The following MYO10 variants were observed in gnomAD, a reference collection of about 807,000 sequenced individuals.
MYO10 encodes unconventional myosin-X.
Under a neutral mutation model 257.3 loss-of-function variants are expected in MYO10, and 133 were observed. The ratio of observed to expected loss-of-function variants is 0.52; its 90% CI spans 0.45 to 0.60. MYO10 has a LOEUF of 0.60. Ranked by LOEUF, MYO10 falls within the 20% of genes least tolerant of loss-of-function variation. The pLI, the probability that MYO10 is intolerant of heterozygous loss-of-function variation, is 0.00. For synonymous variants in MYO10, 1,104 were observed against 1,028.6 expected (o/e 1.07, Z -1.40); for missense variants, 2,399 against 2,635.7 (o/e 0.91, Z 1.97).
chr5:16,902,212 ATTT>A, intron 1 of MYO10: 1 of 576,844 alleles, frequency 1.7e-6, no homozygotes, highest in South Asian at 2.0e-5. Flanking sequence ...GGCCCGGCTA[ATTT>A]TTTTTTTTTT....
At chr5:16,698,883 A>C (rs1215029816) in intron 26 of MYO10, among the ~76,000 whole-genome samples, 1 of 143,700 alleles carries the variant, frequency 7.0e-6, no homozygotes, top group African/African-American at 3.0e-5. Context: ...TCGGCCTCCC[A>C]AAGTGCTGGG....
chr5:16,701,256 C>T lies in MYO10; in HGVS notation c.3139G>A (p.Ala1047Thr), dbSNP rs1738047372. 1 of 1,613,498 alleles carries T rather than the reference C, an allele frequency of 6.2e-7. No individual in the cohort carries two copies. The highest frequency in any genetic ancestry group is 1.3e-5 in the African/African-American group (1 of 74,928). Reference protein sequence around the residue: ...NDTVVPTSPSADSTVLLAPSV... With the variant: ...NDTVVPTSPSTDSTVLLAPSV... Reference sequence around the variant, plus strand: ...GGGGCGAGCAGCACCGTGCTGTCCGCACTGGGGCTGGTGGGCACCACCGTG... The same window carrying T: ...GGGGCGAGCAGCACCGTGCTGTCCGTACTGGGGCTGGTGGGCACCACCGTG... The change falls in exon 25 of 41, where the codon GCG becomes ACG. Residue 1047 changes from alanine (A) to threonine (T), a missense_variant. Ala to Thr is a moderately conservative substitution (Grantham distance 58, BLOSUM62 0). This residue lies in a region of MYO10 where 1,820 missense variants were observed against 1,939.4 expected (regional missense o/e 0.94). Transcript: ENST00000513610. The surrounding 1 kb of genome is among the most constrained non-coding windows in gnomAD (Gnocchi z 8.1).
chr5:16,787,384 T>C (rs1741617136), intron 4 of MYO10, among the ~76,000 whole-genome samples: 1 of 152,084 alleles, frequency 6.6e-6, no homozygotes, highest in Admixed American at 6.6e-5. Context: ...ATATGCCAGA[T>C]GTCCCGAGAT....
At chr5:16,715,506 G>C (rs958410656) in intron 19 of MYO10, among the ~76,000 whole-genome samples, 2 of 142,524 alleles carry the variant, frequency 1.4e-5, no homozygotes, top group African/African-American at 5.2e-5. Context: ...CTCCATGTTG[G>C]TGAGGCTGGT....
rs1742835734 is a variant in MYO10, at chr5:16,822,030, C to G, written c.121-3863G>C. The stretch of plus-strand genomic sequence containing the variant: ...GAAAAATGTATTTGTGGAGGAAAAG[C>G]AAGGATAAACCATCCATTCAGAGGT... On this transcript the variant is annotated intron_variant, in intron 2 of 40. Transcript: ENST00000513610. Among the ~76,000 whole-genome samples the G allele has an allele frequency of 1.3e-5, 2 of 150,778 alleles. 1 individual carries two copies. The highest frequency in any genetic ancestry group is 4.9e-5 in the African/African-American group (2 of 41,042).
At chr5:16,836,964 A>G (rs775677357) in intron 2 of MYO10, among the ~76,000 whole-genome samples, 2 of 152,208 alleles carry the variant, frequency 1.3e-5, no homozygotes, top group Non-Finnish European at 2.9e-5. Context: ...CAGATGATAG[A>G]TAGACATAAT....
At chr5:16,901,572 C>A (rs1042284168) in intron 1 of MYO10, among the ~76,000 whole-genome samples, 1 of 152,192 alleles carries the variant, frequency 6.6e-6, no homozygotes, top group Non-Finnish European at 1.5e-5. Context: ...CTTACCTCTA[C>A]GGCATTTAAA....
At chr5:16,912,445 T>C (rs1411747761) in intron 1 of MYO10, among the ~76,000 whole-genome samples, 1 of 152,088 alleles carries the variant, frequency 6.6e-6, no homozygotes. Context: ...TGAGGCCCCA[T>C]ATTTGTAGCC....
intron 6 of MYO10, 94 bp downstream of exon 6, chr5:16,781,611 T>C (rs997100683): frequency 1.6e-6 from 2 of 1,269,142 alleles, no homozygotes; most frequent in Admixed American, 4.8e-5. Context: ...GAGAAAGAAA[T>C]GTTTCACATT....
At chr5:16,868,724 G>A (rs1179840856) in intron 2 of MYO10, among the ~76,000 whole-genome samples, 1 of 152,178 alleles carries the variant, frequency 6.6e-6, no homozygotes, top group Non-Finnish European at 1.5e-5. Flanking sequence ...GGCCTTCAGA[G>A]GCCACAGTTA....
chr5:16,853,790 C>G (rs796426571), intron 2 of MYO10, among the ~76,000 whole-genome samples: 62 of 152,274 alleles, frequency 4.1e-4, no homozygotes, highest in African/African-American at 1.4e-3. Context: ...AGAGCGGGTC[C>G]ACACTGTCTA....
chr5:16,794,700 T>C lies in MYO10; in HGVS notation c.413A>G (p.Asn138Ser), dbSNP rs1416710577. The C allele has an allele frequency of 1.9e-6, 3 of 1,613,540 alleles. No homozygotes were observed. The highest frequency in any genetic ancestry group is 3.3e-5 in the Admixed American group (2 of 59,984). The change falls in exon 4 of 41, where the codon AAC (asparagine) becomes AGC (serine). Residue 138 changes from asparagine (N) to serine (S), a missense_variant. This residue lies in a region of MYO10 where 242 missense variants were observed against 249.5 expected (regional missense o/e 0.97). Coordinates refer to ENST00000513610, the MANE Select transcript of MYO10 (RefSeq NM_012334.3). ...ELPPHIFAIA[N>S]ECYRCLWKRH... ...CTTCCACAGGCAGCGGTAGCACTCGTTGGCGATGGCGAAGATGTGCGGGGG... is the reference window on the plus strand; with the variant it reads ...CTTCCACAGGCAGCGGTAGCACTCGCTGGCGATGGCGAAGATGTGCGGGGG...
intron 11 of MYO10, among the ~76,000 whole-genome samples, chr5:16,765,710 G>GA (rs1275619691): frequency 6.6e-6 from 1 of 152,078 alleles, no homozygotes; most frequent in East Asian, 1.9e-4. Context: ...TTTCTTATAA[G>GA]AGTCCTATGA....
intron 1 of MYO10, among the ~76,000 whole-genome samples, chr5:16,926,909 C>G (rs1007495000): frequency 6.6e-6 from 1 of 152,030 alleles, no homozygotes; most frequent in African/African-American, 2.4e-5. Flanking sequence ...AACAGAACAC[C>G]CAGACATAGG....
Position 16,748,203 on chromosome 5 carries a change from G to A in MYO10, c.1929+6625C>T, listed in dbSNP as rs28676749. ...TCCCACCTCAGCCTCTCAGGTAGCCGGGACTACAGGTGTACACTACCACTC... is the reference window on the plus strand; with the variant it reads ...TCCCACCTCAGCCTCTCAGGTAGCCAGGACTACAGGTGTACACTACCACTC... On this transcript the variant is annotated intron_variant, in intron 19 of 40. Coordinates refer to ENST00000513610, the MANE Select transcript of MYO10 (RefSeq NM_012334.3). 3.5e-3 allele frequency among the ~76,000 whole-genome samples: 533 copies of A among 152,056 alleles called. 2 individuals carry two copies. Among genetic ancestry groups the A allele is most frequent in the African/African-American group, 0.012 (501 of 41,520 alleles).
chr5:16,681,220 C>A lies in MYO10; in HGVS notation c.4384+89G>T, dbSNP rs1736983415. The stretch of plus-strand genomic sequence containing the variant: ...AACTTCTTTGGGGGGAAATAAAGTA[C>A]ACACTAGGAAGGAATCTTATTCCTT... On this transcript the variant is annotated intron_variant, in intron 32 of 40. Transcript: ENST00000513610. The A allele has an allele frequency of 2.2e-6, 3 of 1,346,478 alleles. No individual in the cohort carries two copies. The East Asian group carries it at 7.0e-5, about 31-fold the overall frequency. The allele number at this position is 1,346,478 out of a possible 1,614,324, so 83.4% of individuals were successfully genotyped here.
At chr5:16,823,663 C>CG (rs1348120969) in intron 2 of MYO10, among the ~76,000 whole-genome samples, 78 of 150,236 alleles carry the variant, frequency 5.2e-4, no homozygotes, top group South Asian at 3.6e-3. Context: ...TTAGTAGAGA[C>CG]AGGTTTCACC....
At chr5:16,794,403 A>AG (rs1385070977) in intron 4 of MYO10, among the ~76,000 whole-genome samples, 1 of 147,602 alleles carries the variant, frequency 6.8e-6, no homozygotes, top group Non-Finnish European at 1.5e-5. Context: ...AAAAAAAAAA[A>AG]GGAACAGAAT....
chr5:16,794,641 G>A lies in MYO10; in HGVS notation c.467+5C>T, dbSNP rs375101260. On this transcript the variant is annotated splice_donor_5th_base_variant and intron_variant, in intron 4 of 40. Transcript: ENST00000513610. ...GAAAGTCCGACTGGCTGTGAGCCCC[G>A]TTACCTGATGAGGATGCACTGGTTG... is the stretch of plus-strand genomic sequence containing the variant. 1.2e-4 allele frequency: 186 copies of A among 1,603,520 alleles called. No homozygotes were observed. The highest frequency in any genetic ancestry group is 1.3e-4 in the Non-Finnish European group (156 of 1,174,688).
Sources: allele counts gnomAD v4.1 joint callset (sites outside exome capture counted in the v4.1 genomes callset), GRCh38; gene constraint gnomAD v4.1.1; regional missense constraint gnomAD v4.1.1; non-coding constraint Gnocchi (gnomAD v3.1); transcripts MANE v1.5; gene names NCBI Gene and HGNC (gene_info 2026-07-23, HGNC 2026-07-21).